CALN1: variants seen among roughly 807,000 people sequenced by gnomAD.
CALN1 encodes calcium-binding protein 8.
In CALN1, 17 loss-of-function variants were observed where a neutral mutation model predicts 30.6. The observed-to-expected ratio is 0.56, with a 90% CI of 0.38 to 0.83. The LOEUF is 0.83. Ranked by LOEUF, CALN1 falls within the 40% of genes least tolerant of loss-of-function variation. The probability of loss-of-function intolerance (pLI) is 0.00; values close to 1 mark genes in which losing one functional copy is unlikely to be tolerated. For missense variants in CALN1, 291 were observed against 354.9 expected (o/e 0.82, Z 1.45); for synonymous variants, 156 against 131.4 (o/e 1.19, Z -1.28).
At chr7:71,975,192 A>G (rs1206698438) in intron 5 of CALN1, among the ~76,000 whole-genome samples, 1 of 152,148 alleles carries the variant, frequency 6.6e-6, no homozygotes, top group Non-Finnish European at 1.5e-5. Flanking sequence ...AGGCACATTT[A>G]GGGAGGGATG....
At chr7:71,995,870 G>A (rs913655342) in intron 5 of CALN1, among the ~76,000 whole-genome samples, 2 of 152,022 alleles carry the variant, frequency 1.3e-5, no homozygotes, top group Non-Finnish European at 2.9e-5. Flanking sequence ...GTGGCCTGGG[G>A]AATGCTCTGT....
At chr7:72,184,190 T>A (rs1466633741) in intron 3 of CALN1, among the ~76,000 whole-genome samples, 1 of 152,226 alleles carries the variant, frequency 6.6e-6, no homozygotes, top group East Asian at 1.9e-4. Context: ...AATTTTTCAA[T>A]CGTCGTCTTC....
At chr7:72,313,404 T>A (rs754933565) in intron 2 of CALN1, among the ~76,000 whole-genome samples, 1 of 152,012 alleles carries the variant, frequency 6.6e-6, no homozygotes, top group African/African-American at 2.4e-5. Context: ...AAAAAAAAAA[T>A]TCTTTGAGAC....
intron 3 of CALN1, among the ~76,000 whole-genome samples, chr7:72,240,790 C>T (rs1385830355): frequency 6.6e-6 from 1 of 152,120 alleles, no homozygotes; most frequent in African/African-American, 2.4e-5. Context: ...TGTGTAGGGT[C>T]CATCACTTCC....
intron 3 of CALN1, among the ~76,000 whole-genome samples, chr7:72,239,518 A>G (rs1392728190): frequency 1.3e-5 from 2 of 152,210 alleles, no homozygotes; most frequent in Non-Finnish European, 2.9e-5. Flanking sequence ...CATCTGACAC[A>G]GCATAAATAT....
At position 72,321,192 on chromosome 7, in the gene CALN1, G is replaced by C. The variant is rs555469127; in HGVS notation, c.120-42382C>G. Among the ~76,000 whole-genome samples the C allele has an allele frequency of 1.2e-4, 19 of 152,122 alleles. No homozygotes were observed. The East Asian group carries it at 2.1e-3, about 17-fold the overall frequency. On this transcript the variant is annotated intron_variant, in intron 2 of 6. Coordinates refer to ENST00000395275, the MANE Select transcript of CALN1 (RefSeq NM_031468.4). ...CACCCTGAAAAAGCACTGTCTATTT[G>C]AGTCCTTGAGTTTCGCATTTATTGT...
At chr7:71,878,385 G>C (rs1006008374) in intron 5 of CALN1, among the ~76,000 whole-genome samples, 1 of 150,392 alleles carries the variant, frequency 6.6e-6, no homozygotes, top group Non-Finnish European at 1.5e-5. Flanking sequence ...CTGGGCAACA[G>C]AGTGAGACCC....
chr7:72,173,438 G>T (rs1184378358), intron 3 of CALN1, among the ~76,000 whole-genome samples: 1 of 152,074 alleles, frequency 6.6e-6, no homozygotes, highest in Non-Finnish European at 1.5e-5. Flanking sequence ...CCAGACTTAT[G>T]CAGACATTGA....
At chr7:71,810,051 A>T (rs1404317189) in intron 6 of CALN1, among the ~76,000 whole-genome samples, 2 of 152,184 alleles carry the variant, frequency 1.3e-5, no homozygotes, top group East Asian at 3.8e-4. Context: ...GGCAAACAGC[A>T]CAAAACCACA....
At chr7:72,501,370 T>TAAAAAAAAAAAAAAAAAAAA in the CALN1 span, among the ~76,000 whole-genome samples, 5 of 42,798 alleles carry the variant, frequency 1.2e-4, no homozygotes, top group Non-Finnish European at 1.9e-4. Context: ...ACGTCTCTAT[T>TAAAAAAAAAAAAAAAAAAAA]AAAAAAAAAA....
At chr7:72,396,235 T>TAAAAAAAAAAAAAAAAA (rs55683543) in intron 2 of CALN1, among the ~76,000 whole-genome samples, 55 of 53,282 alleles carry the variant, frequency 1.0e-3, no homozygotes, top group Non-Finnish European at 1.2e-3. Context: ...TTGTCTCTAC[T>TAAAAAAAAAAAAAAAAA]AAAAAAAAAA....
At chr7:71,999,666 C>T (rs1482901200) in intron 5 of CALN1, among the ~76,000 whole-genome samples, 2 of 152,028 alleles carry the variant, frequency 1.3e-5, no homozygotes, top group Non-Finnish European at 2.9e-5. Context: ...CAGGCATACA[C>T]CACCACACCC....
chr7:72,380,065 G>C (rs900487645), intron 2 of CALN1, among the ~76,000 whole-genome samples: 1 of 152,194 alleles, frequency 6.6e-6, no homozygotes, highest in Non-Finnish European at 1.5e-5. Context: ...AGTATGTGAA[G>C]AGCAGTGCAG....
chr7:72,477,857 G>A, the CALN1 span, among the ~76,000 whole-genome samples: 5 of 152,088 alleles, frequency 3.3e-5, no homozygotes, highest in East Asian at 3.9e-4. Context: ...TCACCTTTGT[G>A]TCCATTGGGT....
intron 5 of CALN1, among the ~76,000 whole-genome samples, chr7:71,958,691 G>C (rs1797093287): frequency 6.6e-6 from 1 of 152,182 alleles, no homozygotes; most frequent in Non-Finnish European, 1.5e-5. Context: ...CACACTTCCG[G>C]ACAACTTGCG....
intron 3 of CALN1, among the ~76,000 whole-genome samples, chr7:72,258,052 A>C (rs1477527464): frequency 2.0e-5 from 3 of 152,158 alleles, no homozygotes; most frequent in African/African-American, 7.2e-5. Context: ...AAAATCTCAG[A>C]TATCACCACT....
chr7:71,999,017 T>C (rs930411911), intron 5 of CALN1, among the ~76,000 whole-genome samples: 5 of 152,112 alleles, frequency 3.3e-5, no homozygotes, highest in Non-Finnish European at 1.5e-5. Context: ...TAAATGTAAA[T>C]GGTCTAAGTA....
chr7:72,299,753 T>G (rs993805447), intron 2 of CALN1, among the ~76,000 whole-genome samples: 8 of 151,782 alleles, frequency 5.3e-5, no homozygotes, highest in Non-Finnish European at 1.2e-4. Context: ...CAGACTGGTT[T>G]CAAACTCCTG....
At chr7:72,460,573 A>G in the CALN1 span, among the ~76,000 whole-genome samples, 6 of 152,172 alleles carry the variant, frequency 3.9e-5, no homozygotes, top group Non-Finnish European at 8.8e-5. Context: ...TGGAGGTTGC[A>G]GTGAGCCAAG....
Sources: gnomAD v4.1 joint callset for allele counts (sites outside exome capture counted in the v4.1 genomes callset) on GRCh38, gnomAD v4.1.1 for gene constraint, MANE v1.5 for transcripts, NCBI Gene and HGNC (gene_info 2026-07-23, HGNC 2026-07-21) for gene names.